The following MACROD2 variants were observed in gnomAD, a reference collection of about 807,000 sequenced individuals.
The protein encoded by MACROD2 is mono-ADP ribosylhydrolase 2.
Under a neutral mutation model 70.4 loss-of-function variants are expected in MACROD2, and 36 were observed. The observed-to-expected ratio is 0.51, with a 90% confidence interval of 0.39 to 0.68. The LOEUF (loss-of-function observed/expected upper bound fraction) is 0.68. MACROD2 is among the 30% of genes least tolerant of loss of function. MACROD2 has a pLI of 0.00. For missense variants in MACROD2, 496 were observed against 538.4 expected (o/e 0.92, Z 0.78); for synonymous variants, 172 against 178.8 (o/e 0.96, Z 0.30).
intron 2 of MACROD2, among the ~76,000 whole-genome samples, chr20:14,062,418 T>C (rs1289285130): frequency 1.3e-5 from 2 of 152,102 alleles, no homozygotes; most frequent in Non-Finnish European, 2.9e-5. Flanking sequence ...AATGACACAG[T>C]CATTCAGAGT....
At chr20:14,951,600 G>C (rs146686727) in intron 5 of MACROD2, among the ~76,000 whole-genome samples, 3 of 152,118 alleles carry the variant, frequency 2.0e-5, no homozygotes, top group Non-Finnish European at 4.4e-5. Context: ...GTAGGACTCC[G>C]AGGGCATCAC....
At chr20:15,628,581 G>A (rs1311290397) in intron 8 of MACROD2, among the ~76,000 whole-genome samples, 1 of 152,212 alleles carries the variant, frequency 6.6e-6, no homozygotes, top group Non-Finnish European at 1.5e-5. Context: ...CAACCATTTT[G>A]TTGCAGTCCG....
intron 5 of MACROD2, among the ~76,000 whole-genome samples, chr20:14,871,199 C>G (rs1309147122): frequency 6.6e-6 from 1 of 151,918 alleles, no homozygotes; most frequent in East Asian, 1.9e-4. Flanking sequence ...ACATCATCTC[C>G]AAAACACATA....
At chr20:15,066,517 C>G (rs543642178) in intron 5 of MACROD2, among the ~76,000 whole-genome samples, 5 of 152,082 alleles carry the variant, frequency 3.3e-5, no homozygotes, top group Admixed American at 2.6e-4. Context: ...TCAAGTCATA[C>G]GACAAAAACC....
rs1407437375 is a variant in MACROD2 at position 15,460,995 on chromosome 20, TA to T, written c.571+29561del. Among the ~76,000 whole-genome samples, 443 of 83,560 alleles carry T rather than the reference TA, an allele frequency of 5.3e-3. 21 individuals carry two copies. Among genetic ancestry groups the T allele is most frequent in the Admixed American group, 0.031 (271 of 8,754 alleles). The allele number at this position is 83,560 out of a possible 152,430, so 54.8% of individuals were successfully genotyped here. A position where few individuals can be genotyped will look rare whatever the true frequency, so the allele number is the denominator to read the frequency against. The stretch of plus-strand genomic sequence containing the variant: ...CTCTCTCCATATATATATATATATA[TA>T]TATATATATATTTTTTTTTAATAGA... On this transcript the variant is annotated intron_variant, in intron 7 of 17. Coordinates refer to ENST00000684519, the MANE Select transcript of MACROD2 (RefSeq NM_001351661.2).
chr20:15,502,436 AGGGTCTTGT>A (rs1183311236), intron 8 of MACROD2, among the ~76,000 whole-genome samples: 1 of 152,218 alleles, frequency 6.6e-6, no homozygotes, highest in East Asian at 1.9e-4. Context: ...GTCAGATTAT[AGGGTCTTGT>A]GGTTCATAGA....
intron 6 of MACROD2, among the ~76,000 whole-genome samples, chr20:15,401,281 G>A (rs964084564): frequency 1.7e-4 from 26 of 152,034 alleles, no homozygotes; most frequent in African/African-American, 5.1e-4. Context: ...CTTGTGATCC[G>A]CCCGCCTCGG....
At chr20:15,570,016 G>T (rs1163072081) in intron 8 of MACROD2, among the ~76,000 whole-genome samples, 2 of 152,082 alleles carry the variant, frequency 1.3e-5, no homozygotes, top group Non-Finnish European at 2.9e-5. Flanking sequence ...TAGTGGGATT[G>T]CTGGATTATA....
At chr20:15,729,813 G>A (rs1422118357) in intron 8 of MACROD2, among the ~76,000 whole-genome samples, 4 of 123,282 alleles carry the variant, frequency 3.2e-5, no homozygotes, top group African/African-American at 1.2e-4. Context: ...CTTGAACACA[G>A]CATGCAGTTG....
chr20:15,513,469 TG>T (rs1429661009), intron 8 of MACROD2, among the ~76,000 whole-genome samples: 1 of 152,172 alleles, frequency 6.6e-6, no homozygotes, highest in Non-Finnish European at 1.5e-5. Context: ...ACTTTACCTG[TG>T]AAAATCTTAA....
intron 8 of MACROD2, among the ~76,000 whole-genome samples, chr20:15,756,894 A>G (rs943484047): frequency 6.6e-6 from 1 of 152,236 alleles, no homozygotes; most frequent in African/African-American, 2.4e-5. Flanking sequence ...GATCGTTGTT[A>G]CCAGGCTGCT....
rs575644784 is a variant in MACROD2, at chr20:14,482,836, A to G, written c.272-10643A>G. On this transcript the variant is annotated intron_variant, in intron 3 of 17. Transcript: ENST00000684519. ...CTGACTTTTTTGTGGGTTGGAGGGT[A>G]TGGAACTTGGCTTCTCTTATGGGAG... Among the ~76,000 whole-genome samples, 422 of 152,332 alleles carry G rather than the reference A, an allele frequency of 2.8e-3. 1 individual carries two copies. The highest frequency in any genetic ancestry group is 9.3e-3 in the African/African-American group (387 of 41,574).
intron 5 of MACROD2, among the ~76,000 whole-genome samples, chr20:14,932,817 C>G (rs546680220): frequency 6.6e-6 from 1 of 152,070 alleles, no homozygotes; most frequent in African/African-American, 2.4e-5. Flanking sequence ...CTGCCCGCCT[C>G]GGCCTCCCAA....
intron 9 of MACROD2, among the ~76,000 whole-genome samples, chr20:15,864,929 G>A (rs369605108): frequency 3.0e-4 from 45 of 152,078 alleles, no homozygotes; most frequent in Middle Eastern, 3.2e-3. Flanking sequence ...TGAAATAAGC[G>A]TGATGTATGA....
intron 8 of MACROD2, among the ~76,000 whole-genome samples, chr20:15,615,961 A>C (rs1328212656): frequency 6.6e-6 from 1 of 152,168 alleles, no homozygotes; most frequent in Non-Finnish European, 1.5e-5. Context: ...TAAATGAAAT[A>C]AATAAGCTGT....
At chr20:15,414,316 C>A (rs762623400) in intron 6 of MACROD2, among the ~76,000 whole-genome samples, 8 of 152,182 alleles carry the variant, frequency 5.3e-5, no homozygotes, top group African/African-American at 1.9e-4. Flanking sequence ...GTTAATCATA[C>A]AGAATCTCAG....
chr20:14,289,110 G>A (rs1211449326), intron 3 of MACROD2, among the ~76,000 whole-genome samples: 1 of 152,164 alleles, frequency 6.6e-6, no homozygotes, highest in Non-Finnish European at 1.5e-5. Flanking sequence ...CTCCTTGACT[G>A]CAACAGTATT....
intron 5 of MACROD2, among the ~76,000 whole-genome samples, chr20:14,821,095 C>G (rs1489388031): frequency 6.6e-6 from 1 of 152,070 alleles, no homozygotes; most frequent in Non-Finnish European, 1.5e-5. Context: ...TCCAGTCTTG[C>G]TAAGACTCAT....
In MACROD2 at chr20:15,249,931, T is replaced by G. The variant is rs1022491736; in HGVS notation, c.540+19870T>G. On this transcript the variant is annotated intron_variant, in intron 6 of 17. Coordinates refer to ENST00000684519, the MANE Select transcript of MACROD2 (RefSeq NM_001351661.2). ...GGTATTATTTTTCCCTTTATATGTA[T>G]GACTTTTAAAAATAGGTACTGAGCT... Among the ~76,000 whole-genome samples the G allele has an allele frequency of 3.3e-5, 5 of 152,258 alleles. No individual in the cohort carries two copies. In the South Asian group the frequency reaches 1.0e-3, roughly 31 times the overall value.
Sources: allele counts gnomAD v4.1 joint callset (sites outside exome capture counted in the v4.1 genomes callset), GRCh38; gene constraint gnomAD v4.1.1; transcripts MANE v1.5; gene names NCBI Gene and HGNC (gene_info 2026-07-23, HGNC 2026-07-21).